The following TRHDE variants were observed in gnomAD, a reference collection of about 807,000 sequenced individuals.
TRHDE encodes thyrotropin-releasing hormone-degrading ectoenzyme.
Under a neutral mutation model 125.7 loss-of-function variants are expected in TRHDE, and 72 were observed. The ratio of observed to expected loss-of-function variants is 0.57; its 90% CI spans 0.47 to 0.70. The LOEUF (loss-of-function observed/expected upper bound fraction) is 0.70, where lower values mean the gene tolerates loss of function less well. Among genes scored for constraint, TRHDE ranks in the 30% least tolerant of loss-of-function variants. The pLI is 0.00. For synonymous variants in TRHDE, 509 were observed against 509.1 expected (o/e 1.00, Z 0.00); for missense variants, 1,110 against 1,327.1 (o/e 0.84, Z 2.54).
At chr12:72,378,256 A>C (rs1170650162) in intron 3 of TRHDE, 135 bp downstream of exon 3, 1 of 941,236 alleles carries the variant, frequency 1.1e-6, no homozygotes, top group Non-Finnish European at 1.5e-6. Flanking sequence ...CACAAAAAAA[A>C]ATTTCTTTTG....
intron 18 of TRHDE, among the ~76,000 whole-genome samples, chr12:72,662,685 A>G (rs912504450): frequency 1.3e-5 from 2 of 152,168 alleles, no homozygotes; most frequent in African/African-American, 4.8e-5. Context: ...CATTGTATAC[A>G]CATTGAAGTT....
At chr12:72,658,911 A>G (rs1326054383) in intron 18 of TRHDE, among the ~76,000 whole-genome samples, 3 of 152,160 alleles carry the variant, frequency 2.0e-5, no homozygotes, top group African/African-American at 7.2e-5. Context: ...AGATTGAGGA[A>G]CATTATTGTC....
chr12:72,524,866 T>A (rs1868306213), intron 6 of TRHDE, among the ~76,000 whole-genome samples: 1 of 152,162 alleles, frequency 6.6e-6, no homozygotes, highest in African/African-American at 2.4e-5. Flanking sequence ...AGCTTATGTA[T>A]CCTGGTCTTC....
chr12:72,426,079 G>A (rs1241678891), intron 3 of TRHDE, among the ~76,000 whole-genome samples: 1 of 151,984 alleles, frequency 6.6e-6, no homozygotes, highest in Non-Finnish European at 1.5e-5. Flanking sequence ...GCAGTAAATG[G>A]AATTATATAC....
chr12:72,188,883 C>A (rs1877282356), intron 2 of TRHDE, among the ~76,000 whole-genome samples: 1 of 152,214 alleles, frequency 6.6e-6, no homozygotes, highest in Non-Finnish European at 1.5e-5. Context: ...TGGTACCCAC[C>A]TACCCAGCTG....
At chr12:72,385,656 C>T (rs1872379191) in intron 3 of TRHDE, among the ~76,000 whole-genome samples, 1 of 152,072 alleles carries the variant, frequency 6.6e-6, no homozygotes, top group African/African-American at 2.4e-5. Flanking sequence ...GTTATTTTAA[C>T]ACAATTTAAC....
At chr12:72,448,755 A>T (rs1222055366) in intron 3 of TRHDE, among the ~76,000 whole-genome samples, 1 of 151,988 alleles carries the variant, frequency 6.6e-6, no homozygotes, top group Non-Finnish European at 1.5e-5. Flanking sequence ...TAGGAAAAAA[A>T]AATGAAAGAA....
intron 6 of TRHDE, 140 bp downstream of exon 6, chr12:72,499,775 C>T (rs1296856745): frequency 9.6e-6 from 9 of 941,242 alleles, no homozygotes; most frequent in South Asian, 2.2e-5. Context: ...TCACTAGGTT[C>T]GTGTCATTTT....
chr12:72,191,676 C>T lies in TRHDE; in HGVS notation n.279+85924C>T, dbSNP rs1426866663. Among the ~76,000 whole-genome samples the T allele has an allele frequency of 2.6e-5, 4 of 151,912 alleles. No homozygotes were observed. In the South Asian group the frequency reaches 6.2e-4, roughly 24 times the overall value. ...TTATTGTCGTTGTAATACTCAGAAA[C>T]AGAGTATAGATATTAGTCCTTTGAG... On this transcript the variant is annotated intron_variant and non_coding_transcript_variant, in intron 2 of 4. Transcript: ENST00000548156.
At chr12:72,514,364 TAAAAAG>T (rs1026799149) in intron 6 of TRHDE, among the ~76,000 whole-genome samples, 3 of 151,662 alleles carry the variant, frequency 2.0e-5, no homozygotes, top group African/African-American at 7.3e-5. Flanking sequence ...TTTGAGGAAA[TAAAAAG>T]AGACATTATA....
At chr12:72,506,158 T>A (rs1001643049) in intron 6 of TRHDE, among the ~76,000 whole-genome samples, 16 of 152,068 alleles carry the variant, frequency 1.1e-4, no homozygotes, top group South Asian at 2.1e-4. Flanking sequence ...CATTTTTTTT[T>A]AAATTAGCTA....
intron 2 of TRHDE, among the ~76,000 whole-genome samples, chr12:72,374,769 A>T (rs2135770648): frequency 6.6e-6 from 1 of 152,220 alleles, no homozygotes. Flanking sequence ...GCCATTAGTG[A>T]TCTTTAGGTG....
At chr12:72,457,510 G>A (rs986663945) in intron 3 of TRHDE, among the ~76,000 whole-genome samples, 2 of 151,728 alleles carry the variant, frequency 1.3e-5, no homozygotes, top group Non-Finnish European at 2.9e-5. Flanking sequence ...GTAATACTAC[G>A]CACTGCAATA....
At chr12:72,460,772 AT>A (rs1173905195) in intron 3 of TRHDE, among the ~76,000 whole-genome samples, 1 of 152,144 alleles carries the variant, frequency 6.6e-6, no homozygotes, top group Non-Finnish European at 1.5e-5. Context: ...GCAAAGACTG[AT>A]TTTGTAAGTA....
rs141929373 is a variant in TRHDE, at chr12:72,182,856, T to G, written n.279+77104T>G. Among the ~76,000 whole-genome samples the G allele has an allele frequency of 6.7e-4, 102 of 152,256 alleles. 1 individual carries two copies. The East Asian group carries it at 0.016, about 24-fold the overall frequency. ...TCTTGAAACAGGGAAAATGTCCAGT[T>G]TTATGGGCCAAAGCAGGAGTCTGGG... On this transcript the variant is annotated intron_variant and non_coding_transcript_variant, in intron 2 of 4. Transcript: ENST00000548156.
At chr12:72,288,984 T>G (rs1879992319) in intron 2 of TRHDE, among the ~76,000 whole-genome samples, 1 of 152,162 alleles carries the variant, frequency 6.6e-6, no homozygotes, top group South Asian at 2.1e-4. Context: ...GAGCTCTTAT[T>G]TATCAACTGT....
At chr12:72,174,339 C>G (rs1876941845) in intron 2 of TRHDE, among the ~76,000 whole-genome samples, 2 of 152,062 alleles carry the variant, frequency 1.3e-5, no homozygotes, top group South Asian at 4.2e-4. Context: ...TGGCTTTAAA[C>G]TATTAAGTTT....
At chr12:72,137,405 G>C (rs1876009547) in intron 2 of TRHDE, 1 of 152,066 alleles carries the variant, frequency 6.6e-6, no homozygotes, top group Admixed American at 6.6e-5. Flanking sequence ...TTCTTTTTAG[G>C]GATCCTTGTA....
At chr12:72,095,750 C>G (rs139581755) in intron 1 of TRHDE, among the ~76,000 whole-genome samples, 9 of 152,142 alleles carry the variant, frequency 5.9e-5, no homozygotes, top group African/African-American at 2.2e-4. Context: ...CTTGTTGTTC[C>G]TATACTCAGT....
Sources: gnomAD v4.1 joint callset for allele counts (sites outside exome capture counted in the v4.1 genomes callset) on GRCh38, gnomAD v4.1.1 for gene constraint, MANE v1.5 for transcripts, NCBI Gene and HGNC (gene_info 2026-07-23, HGNC 2026-07-21) for gene names.